Variants in MCHR2 observed in about 807,000 individuals in gnomAD.
The protein encoded by MCHR2 is melanin-concentrating hormone receptor 2.
Under a neutral mutation model 24.8 loss-of-function variants are expected in MCHR2, and 15 were observed. The ratio of observed to expected loss-of-function variants is 0.60; its 90% CI spans 0.40 to 0.93. The LOEUF (loss-of-function observed/expected upper bound fraction) is 0.93. Among genes scored for constraint, MCHR2 ranks in the 40% least tolerant of loss-of-function variants. The probability of loss-of-function intolerance (pLI) is 0.00; values close to 1 mark genes in which losing one functional copy is unlikely to be tolerated. For missense variants in MCHR2, 386 were observed against 408.7 expected, an observed-to-expected ratio of 0.94 and a Z score of 0.48; for synonymous variants, 151 against 147.6, an observed-to-expected ratio of 1.02 and a Z score of -0.17.
intron 1 of MCHR2, among the ~76,000 whole-genome samples, chr6:99,971,957 G>T (rs551101126): frequency 6.6e-6 from 1 of 152,112 alleles, no homozygotes; most frequent in African/African-American, 2.4e-5. Context: ...GCTGGATTCG[G>T]TTTGCCAGTA....
At chr6:99,979,570 A>G (rs1471051337) in intron 1 of MCHR2, among the ~76,000 whole-genome samples, 1 of 152,196 alleles carries the variant, frequency 6.6e-6, no homozygotes, top group East Asian at 1.9e-4. Context: ...CATGGAAATA[A>G]AATTTTTAAT....
chr6:99,955,599 G>A (rs545073274), intron 2 of MCHR2, among the ~76,000 whole-genome samples: 5 of 152,084 alleles, frequency 3.3e-5, no homozygotes, highest in East Asian at 1.9e-4. Context: ...AATCTTACCC[G>A]GGCCCTACCC....
At chr6:99,937,350 GTA>G (rs1371292474) in intron 4 of MCHR2, among the ~76,000 whole-genome samples, 1 of 151,800 alleles carries the variant, frequency 6.6e-6, no homozygotes, top group Non-Finnish European at 1.5e-5. Context: ...AGTATGTCAT[GTA>G]TGCCCTTTGT....
intron 1 of MCHR2, 82 bp downstream of exon 1, chr6:99,993,854 C>T (rs995221017): frequency 1.3e-5 from 2 of 151,972 alleles, no homozygotes; most frequent in Non-Finnish European, 2.9e-5. Flanking sequence ...GGCGCCAGAC[C>T]TTCCCGGGCG....
At chr6:99,976,572 C>T (rs1562133820) in intron 1 of MCHR2, among the ~76,000 whole-genome samples, 1 of 152,216 alleles carries the variant, frequency 6.6e-6, no homozygotes, top group Non-Finnish European at 1.5e-5. Context: ...GGTCAAGCTA[C>T]TCCAGGTGTG....
chr6:99,921,408 T>C (rs13206575), intron 5 of MCHR2, among the ~76,000 whole-genome samples, 153 bp from the exon 6 acceptor site: 31,792 of 152,196 alleles, frequency 0.21, 3,551 homozygotes, highest in African/African-American at 0.26. Context: ...CATTGTGATA[T>C]ATTCTTTTTT....
At chr6:99,941,105 T>C (rs1332634240) in intron 4 of MCHR2, among the ~76,000 whole-genome samples, 2 of 152,068 alleles carry the variant, frequency 1.3e-5, no homozygotes, top group Non-Finnish European at 2.9e-5. Context: ...GCTGGTTGTC[T>C]ACCTTGATCT....
intron 1 of MCHR2, among the ~76,000 whole-genome samples, chr6:99,974,645 A>G (rs1375254539): frequency 3.9e-5 from 6 of 152,256 alleles, no homozygotes; most frequent in East Asian, 1.9e-4. Flanking sequence ...TCTGCTTTTT[A>G]GAGTTTCCAG....
chr6:99,966,227 A>G (rs985807506), intron 1 of MCHR2, among the ~76,000 whole-genome samples: 2 of 152,200 alleles, frequency 1.3e-5, no homozygotes, highest in Non-Finnish European at 2.9e-5. Flanking sequence ...TTATCCTTAA[A>G]TACCTGAAAA....
In MCHR2 at chr6:99,920,992, G is replaced by C. The variant is rs201718043; in HGVS notation, c.971C>G (p.Ala324Gly). The C allele has an allele frequency of 1.9e-6, 3 of 1,614,110 alleles. No homozygotes were observed. The highest frequency in any genetic ancestry group is 2.5e-6 in the Non-Finnish European group (3 of 1,180,014). Residue 324 changes from alanine (A) to glycine (G), a missense_variant, in exon 6 of 6, where the codon GCG (alanine) becomes GGG (glycine). Coordinates refer to ENST00000281806, the MANE Select transcript of MCHR2 (RefSeq NM_001040179.2). ...CATATTGTTGATTTCCTTCTCAGTCGCTCTTCTTTGGATTTGAGGCAGACG... is the reference window on the plus strand; with the variant it reads ...CATATTGTTGATTTCCTTCTCAGTCCCTCTTCTTTGGATTTGAGGCAGACG... ...QKRLPQIQRRATEKEINNMGN... is the reference protein window; with the variant it reads ...QKRLPQIQRRGTEKEINNMGN...
In MCHR2 at chr6:99,947,958, T is replaced by A; in HGVS notation, c.196A>T (p.Thr66Ser). Residue 66 changes from threonine to serine, a missense_variant, in exon 3 of 6, where the codon ACA becomes TCA. Coordinates refer to ENST00000281806, the MANE Select transcript of MCHR2 (RefSeq NM_001040179.2). Reference protein sequence around the residue: ...VFTIIRSRKKTVPDIYICNLA... With the variant: ...VFTIIRSRKKSVPDIYICNLA... ...TTGCAGATATAGATGTCAGGGACTG[T>A]TTTTTTCCTGGATCTGAAAGAGATA... The A allele has an allele frequency of 6.2e-7, 1 of 1,612,526 alleles. No homozygotes were observed. The highest frequency in any genetic ancestry group is 1.1e-5 in the South Asian group (1 of 90,982).
intron 1 of MCHR2, among the ~76,000 whole-genome samples, chr6:99,983,419 T>C (rs972668743): frequency 1.3e-5 from 2 of 152,218 alleles, no homozygotes; most frequent in Admixed American, 1.3e-4. Context: ...GTCACTCATC[T>C]TTCCTTTTAC....
chr6:99,923,437 G>A (rs1275156976), intron 5 of MCHR2, among the ~76,000 whole-genome samples: 1 of 152,070 alleles, frequency 6.6e-6, no homozygotes, highest in Non-Finnish European at 1.5e-5. Context: ...TTAAATAACA[G>A]TGGTGAAAGT....
chr6:99,920,852 G>T lies in MCHR2; in HGVS notation c.*88C>A. The T allele has an allele frequency of 7.8e-7, 1 of 1,282,482 alleles. No individual in the cohort carries two copies. The highest frequency in any genetic ancestry group is 1.1e-6 in the Non-Finnish European group (1 of 904,888). The allele number at this position is 1,282,482 out of a possible 1,614,324, so 79.4% of individuals were successfully genotyped here. ...AGTCACAAGTACACAAGAAGAATGGGCATAAACATATCGGTACACCTGCCC... is the reference window on the plus strand; with the variant it reads ...AGTCACAAGTACACAAGAAGAATGGTCATAAACATATCGGTACACCTGCCC... On this transcript the variant is annotated 3_prime_UTR_variant, in exon 6 of 6. Transcript: ENST00000281806.
chr6:99,932,388 C>T (rs1011504541), intron 5 of MCHR2, among the ~76,000 whole-genome samples: 3 of 152,184 alleles, frequency 2.0e-5, no homozygotes, highest in Non-Finnish European at 4.4e-5. Flanking sequence ...CATAGATACT[C>T]CCCTTTCAGC....
intron 1 of MCHR2, among the ~76,000 whole-genome samples, chr6:99,965,769 T>C (rs1775285786): frequency 6.6e-6 from 1 of 152,150 alleles, no homozygotes; most frequent in Non-Finnish European, 1.5e-5. Flanking sequence ...AAAATGATGA[T>C]TTCAGTTTAA....
At chr6:99,955,583 G>A (rs1456247738) in intron 2 of MCHR2, among the ~76,000 whole-genome samples, 1 of 152,134 alleles carries the variant, frequency 6.6e-6, no homozygotes, top group Non-Finnish European at 1.5e-5. Flanking sequence ...TTGCATTGCA[G>A]TTTTAAATCT....
chr6:99,965,690 A>G (rs560903192), intron 1 of MCHR2, among the ~76,000 whole-genome samples: 1 of 152,286 alleles, frequency 6.6e-6, no homozygotes, highest in East Asian at 1.9e-4. Context: ...AAGCACTTCT[A>G]TAAGTTTAAA....
chr6:99,981,699 C>A (rs1234337372), intron 1 of MCHR2, among the ~76,000 whole-genome samples: 1 of 152,206 alleles, frequency 6.6e-6, no homozygotes, highest in Non-Finnish European at 1.5e-5. Flanking sequence ...ATTGCTGTTA[C>A]TATTAATTTC....
Sources: gnomAD v4.1 joint callset for allele counts (sites outside exome capture counted in the v4.1 genomes callset) on GRCh38, gnomAD v4.1.1 for gene constraint, MANE v1.5 for transcripts, NCBI Gene and HGNC (gene_info 2026-07-23, HGNC 2026-07-21) for gene names.